MITF: variants seen among roughly 807,000 people sequenced by gnomAD.
MITF encodes melanocyte inducing transcription factor, also known as microphthalmia-associated transcription factor.
MITF carries 17 observed loss-of-function variants against 60.5 expected under a neutral mutation model. The observed-to-expected ratio is 0.28, with a 90% CI of 0.19 to 0.42. The LOEUF is 0.42. Ranked by LOEUF, MITF falls within the 10% of genes least tolerant of loss-of-function variation. The probability of loss-of-function intolerance (pLI) is 1.00; values close to 1 mark genes in which losing one functional copy is unlikely to be tolerated. For missense variants in MITF, 622 were observed against 683.5 expected (o/e 0.91, Z 1.00); for synonymous variants, 260 against 248.5 (o/e 1.05, Z -0.43).
chr3:69,799,679 T>C (rs1168264598), intron 1 of MITF, among the ~76,000 whole-genome samples: 1 of 152,188 alleles, frequency 6.6e-6, no homozygotes, highest in African/African-American at 2.4e-5. Flanking sequence ...CTACTGTTTT[T>C]TGTTTGTTTG....
intron 1 of MITF, among the ~76,000 whole-genome samples, chr3:69,742,456 C>T (rs1472550032): frequency 6.6e-6 from 1 of 152,122 alleles, no homozygotes; most frequent in Non-Finnish European, 1.5e-5. Flanking sequence ...CTAATTTCTC[C>T]CAGTAAAATT....
At chr3:69,941,189 A>G (rs372100038) in intron 4 of MITF, 47 bp from the exon 5 acceptor site, 11 of 1,260,548 alleles carry the variant, frequency 8.7e-6, no homozygotes, top group African/African-American at 7.4e-5. Context: ...GTTGTGTTGC[A>G]TAGTTTATTT....
intron 1 of MITF, among the ~76,000 whole-genome samples, chr3:69,742,215 T>G (rs1469631617): frequency 6.6e-6 from 1 of 151,950 alleles, no homozygotes; most frequent in Non-Finnish European, 1.5e-5. Context: ...GCCCCTGGGG[T>G]CATTTGACAG....
At chr3:69,831,492 T>G (rs145597329) in intron 1 of MITF, among the ~76,000 whole-genome samples, 19 of 152,308 alleles carry the variant, frequency 1.2e-4, no homozygotes, top group African/African-American at 4.3e-4. Flanking sequence ...TTTGCAATTT[T>G]TTTGTTTGAC....
intron 1 of MITF, among the ~76,000 whole-genome samples, chr3:69,791,050 A>T (rs1370773445): frequency 6.6e-6 from 1 of 152,212 alleles, no homozygotes; most frequent in Non-Finnish European, 1.5e-5. Flanking sequence ...TCCTAGAGTT[A>T]TCATCTCTGT....
chr3:69,872,060 A>G (rs1268342005), intron 1 of MITF, among the ~76,000 whole-genome samples: 3 of 152,142 alleles, frequency 2.0e-5, no homozygotes. Flanking sequence ...GATATGAAAA[A>G]CAGAAAACTT....
intron 2 of MITF, chr3:69,937,100 T>G: frequency 4.6e-6 from 1 of 218,498 alleles, no homozygotes; most frequent in Non-Finnish European, 9.1e-6. Context: ...TCGTTCTGAA[T>G]TAATGTCTGT....
intron 1 of MITF, among the ~76,000 whole-genome samples, chr3:69,807,540 T>G (rs1342983312): frequency 6.6e-6 from 1 of 152,230 alleles, no homozygotes; most frequent in African/African-American, 2.4e-5. Context: ...AAATGTAATT[T>G]CATTTCTTCT....
At chr3:69,931,705 TG>T (rs1479570709) in intron 2 of MITF, among the ~76,000 whole-genome samples, 1 of 152,188 alleles carries the variant, frequency 6.6e-6, no homozygotes, top group African/African-American at 2.4e-5. Flanking sequence ...GTGATATAAA[TG>T]TATATATATT....
chr3:69,926,180 C>G (rs2065581754), intron 2 of MITF, among the ~76,000 whole-genome samples: 1 of 152,146 alleles, frequency 6.6e-6, no homozygotes. Context: ...GAGGTTAATT[C>G]CAATCTGGAA....
At chr3:69,908,653 C>T (rs1249600513) in intron 2 of MITF, among the ~76,000 whole-genome samples, 8 of 152,184 alleles carry the variant, frequency 5.3e-5, no homozygotes, top group East Asian at 1.9e-4. Flanking sequence ...ATGAGCACTA[C>T]TGGTAATAAT....
intron 1 of MITF, among the ~76,000 whole-genome samples, chr3:69,828,236 A>T (rs2107082920): frequency 6.6e-6 from 1 of 152,260 alleles, no homozygotes; most frequent in East Asian, 1.9e-4. Context: ...AGATTTCAGG[A>T]TTATGTGTAC....
intron 2 of MITF, among the ~76,000 whole-genome samples, chr3:69,904,696 C>G (rs2065060965): frequency 6.6e-6 from 1 of 152,086 alleles, no homozygotes; most frequent in Admixed American, 6.6e-5. Flanking sequence ...TGTGTAGGAC[C>G]ACATGGCTTC....
chr3:69,834,849 T>TTC (rs919436837), intron 1 of MITF, among the ~76,000 whole-genome samples: 56 of 149,534 alleles, frequency 3.7e-4, no homozygotes, highest in Admixed American at 7.3e-4. Flanking sequence ...TTCTTTTCTT[T>TTC]TTTTTTTTTT....
At chr3:69,954,712 A>G (rs1160118571) in intron 7 of MITF, among the ~76,000 whole-genome samples, 2 of 152,196 alleles carry the variant, frequency 1.3e-5, no homozygotes, top group African/African-American at 2.4e-5. Flanking sequence ...CAAGGACCCC[A>G]CAATTCCTTC....
At chr3:69,949,022 A>G (rs1195586462) in intron 5 of MITF, 29 bp from the exon 6 acceptor site, 1 of 1,487,790 alleles carries the variant, frequency 6.7e-7, no homozygotes, top group Non-Finnish European at 9.4e-7. Context: ...TTCAACAGTT[A>G]ATTTCTGTTA....
At chr3:69,954,338 G>A (rs2066344153) in intron 7 of MITF, among the ~76,000 whole-genome samples, 1 of 151,966 alleles carries the variant, frequency 6.6e-6, no homozygotes, top group Admixed American at 6.6e-5. Context: ...AGATCAATGG[G>A]ATACATGAAT....
chr3:69,780,532 T>G (rs966388513), intron 1 of MITF, among the ~76,000 whole-genome samples: 1 of 152,210 alleles, frequency 6.6e-6, no homozygotes, highest in African/African-American at 2.4e-5. Flanking sequence ...TTCTGATAAT[T>G]GACTGGGGAG....
intron 2 of MITF, among the ~76,000 whole-genome samples, chr3:69,913,922 T>C (rs1386120233): frequency 6.6e-6 from 1 of 152,194 alleles, no homozygotes; most frequent in Admixed American, 6.6e-5. Flanking sequence ...TTATGGCACT[T>C]CAAATGAGAA....
Sources: allele counts gnomAD v4.1 joint callset (sites outside exome capture counted in the v4.1 genomes callset), GRCh38; gene constraint gnomAD v4.1.1; transcripts MANE v1.5; gene names NCBI Gene and HGNC (gene_info 2026-07-23, HGNC 2026-07-21).